NCAN: variants seen among roughly 807,000 people sequenced by gnomAD.
NCAN encodes neurocan, also known as neurocan core protein.
NCAN carries 47 observed loss-of-function variants against 121.8 expected under a neutral mutation model. The observed-to-expected ratio is 0.39, with a 90% CI of 0.31 to 0.49. NCAN has a LOEUF of 0.49. Among genes scored for constraint, NCAN ranks in the 20% least tolerant of loss-of-function variants. The probability of loss-of-function intolerance (pLI) is 0.92; values close to 1 mark genes in which losing one functional copy is unlikely to be tolerated. For synonymous variants in NCAN, 633 were observed against 702.0 expected, an observed-to-expected ratio of 0.90 and a Z score of 1.55; for missense variants, 1,517 against 1,773.4, an observed-to-expected ratio of 0.86 and a Z score of 2.60.
chr19:19,218,956 A>G lies in NCAN; in HGVS notation c.115A>G (p.Met39Val), dbSNP rs765024046. Residue 39 changes from methionine to valine, a missense_variant, in exon 3 of 15, where the codon ATG becomes GTG. Physicochemically the swap from Met to Val is conservative, Grantham distance 21. Transcript: ENST00000252575. ...CGATGCCAGCGAAAGGGGGCTCCAC[A>G]TGCAGAAGCTGGGGTCTGGGTCAGT... is the stretch of plus-strand genomic sequence containing the variant. ...ITDASERGLH[M>V]QKLGSGSVQA... is the part of the protein sequence containing the mutation. 1.3e-6 allele frequency: 2 copies of G among 1,531,396 alleles called. No individual in the cohort carries two copies. Among genetic ancestry groups the G allele is most frequent in the Admixed American group, 2.1e-5 (1 of 48,038 alleles). The allele number at this position is 1,531,396 out of a possible 1,614,324, so 94.9% of individuals were successfully genotyped here.
chr19:19,213,812 G>C (rs2060785404), intron 1 of NCAN, among the ~76,000 whole-genome samples: 2 of 152,074 alleles, frequency 1.3e-5, no homozygotes, highest in African/African-American at 4.8e-5. Context: ...ATCCCCAAGG[G>C]GAAGCCCGGG....
At position 19,228,552 on chromosome 19, in the gene NCAN, C is replaced by T; in HGVS notation, c.2932C>T (p.Pro978Ser). Reference protein sequence around the residue: ...DFELEVLAGSPGVESFWEEVA... With the variant: ...DFELEVLAGSSGVESFWEEVA... ...CGAACTGGAGGTCCTGGCAGGGAGCCCGGGTGTAGAGAGCTTCTGGGAGGA... is the reference window on the plus strand; with the variant it reads ...CGAACTGGAGGTCCTGGCAGGGAGCTCGGGTGTAGAGAGCTTCTGGGAGGA... Residue 978 changes from proline to serine, a missense_variant, in exon 8 of 15, where the codon CCG (proline) becomes TCG (serine). Pro to Ser is a moderately conservative substitution (Grantham distance 74). Transcript: ENST00000252575. The T allele has an allele frequency of 6.2e-7, 1 of 1,613,156 alleles. No homozygotes were observed. The highest frequency in any genetic ancestry group is 2.2e-5 in the East Asian group (1 of 44,880).
At chr19:19,236,506 A>C (rs528080362) in intron 10 of NCAN, among the ~76,000 whole-genome samples, 174 of 152,184 alleles carry the variant, frequency 1.1e-3, no homozygotes, top group African/African-American at 4.0e-3. Context: ...TGTTTGAATA[A>C]CTATTTGCCA....
chr19:19,218,109 C>T (rs931803319), intron 2 of NCAN, among the ~76,000 whole-genome samples: 2 of 151,740 alleles, frequency 1.3e-5, no homozygotes, highest in South Asian at 2.1e-4. Flanking sequence ...TGAAACCCAT[C>T]TCTACTAAAA....
intron 13 of NCAN, among the ~76,000 whole-genome samples, chr19:19,246,461 A>G (rs1239665550): frequency 6.6e-6 from 1 of 152,116 alleles, no homozygotes; most frequent in Non-Finnish European, 1.5e-5. Flanking sequence ...TTCTTTGTTC[A>G]TCTAAGTGGG....
At chr19:19,231,346 T>G (rs78683942) in intron 8 of NCAN, among the ~76,000 whole-genome samples, 8 of 150,846 alleles carry the variant, frequency 5.3e-5, no homozygotes, top group Non-Finnish European at 1.0e-4. Context: ...TTTTTTTTTT[T>G]GAGAGAGAGA....
In NCAN at chr19:19,251,143, T is replaced by C. The variant is rs1207314822; in HGVS notation, c.*1232T>C. The C allele has an allele frequency of 6.6e-6, 1 of 152,204 alleles. No homozygotes were observed. Among genetic ancestry groups the C allele is most frequent in the African/African-American group, 2.4e-5 (1 of 41,450 alleles). 9.4% of individuals were successfully genotyped at this position (152,204 alleles called of 1,614,324 possible). On this transcript the variant is annotated 3_prime_UTR_variant, in exon 15 of 15. Coordinates refer to ENST00000252575, the MANE Select transcript of NCAN (RefSeq NM_004386.3). ...AAAGATCCACAGCTTTTCCTCCATG[T>C]CTGTTACTCACTTTCAGCAGTCCGG...
intron 10 of NCAN, among the ~76,000 whole-genome samples, chr19:19,237,704 T>G (rs1252642072): frequency 6.6e-6 from 1 of 152,006 alleles, no homozygotes; most frequent in East Asian, 1.9e-4. Context: ...AGAGGGGGTG[T>G]CAGGGAATGA....
intron 3 of NCAN, among the ~76,000 whole-genome samples, chr19:19,221,847 C>T (rs1384587014): frequency 6.6e-6 from 1 of 151,882 alleles, no homozygotes; most frequent in African/African-American, 2.4e-5. Context: ...GCTGAGATCG[C>T]ACCACTGCAC....
intron 8 of NCAN, among the ~76,000 whole-genome samples, chr19:19,230,575 G>A (rs1316490825): frequency 6.6e-6 from 1 of 151,012 alleles, no homozygotes; most frequent in African/African-American, 2.4e-5. Flanking sequence ...GCTAATTTTT[G>A]TATTTTTTAT....
intron 9 of NCAN, 21 bp from the exon 10 acceptor site, chr19:19,234,962 G>A (rs370785735): frequency 1.3e-6 from 2 of 1,543,746 alleles, no homozygotes; most frequent in Non-Finnish European, 1.8e-6. Flanking sequence ...CTCTAACTCA[G>A]TCTCTTCCCC....
At chr19:19,220,230 C>T (rs187128308) in intron 3 of NCAN, among the ~76,000 whole-genome samples, 31 of 151,934 alleles carry the variant, frequency 2.0e-4, no homozygotes, top group Admixed American at 7.9e-4. Context: ...TCACTGCATC[C>T]TCCGTCTAGG....
chr19:19,238,544 C>T (rs1599820240), intron 11 of NCAN, 133 bp downstream of exon 11: 1 of 1,009,232 alleles, frequency 9.9e-7, no homozygotes, highest in Non-Finnish European at 1.5e-6. Flanking sequence ...TTCATTAACG[C>T]AAGCCCTGAC....
rs150423795 is a variant in NCAN, at chr19:19,214,659, G to A, written c.-7-2288G>A. ...TTACAGGTGGGGAAACTGAGGCACAGAGAGATTGAAGCAGCTTGTCCCGGA... is the reference window on the plus strand; with the variant it reads ...TTACAGGTGGGGAAACTGAGGCACAAAGAGATTGAAGCAGCTTGTCCCGGA... On this transcript the variant is annotated intron_variant, in intron 1 of 14. Coordinates refer to ENST00000252575, the MANE Select transcript of NCAN (RefSeq NM_004386.3). Among the ~76,000 whole-genome samples, 12 of 152,070 alleles carry A rather than the reference G, an allele frequency of 7.9e-5. No individual in the cohort carries two copies. In the East Asian group the frequency reaches 2.3e-3, roughly 29 times the overall value.
chr19:19,233,933 T>C (rs1347949932), intron 9 of NCAN, 28 bp downstream of exon 9: 1 of 1,453,170 alleles, frequency 6.9e-7, no homozygotes, highest in South Asian at 1.1e-5. Context: ...AGGATCTGAA[T>C]CTGAATTTGT....
chr19:19,247,391 C>A (rs1338014233), intron 13 of NCAN, among the ~76,000 whole-genome samples: 5 of 152,122 alleles, frequency 3.3e-5, no homozygotes, highest in Non-Finnish European at 4.4e-5. Flanking sequence ...GCAGCTGGGA[C>A]TACAGGCGCA....
At chr19:19,219,715 C>T (rs1222742793) in intron 3 of NCAN, among the ~76,000 whole-genome samples, 2 of 145,408 alleles carry the variant, frequency 1.4e-5, no homozygotes, top group African/African-American at 5.1e-5. Context: ...CTCTCTGAAC[C>T]GGGATTCCCT....
intron 11 of NCAN, 53 bp from the exon 12 acceptor site, chr19:19,240,550 G>A: frequency 6.3e-7 from 1 of 1,584,306 alleles, no homozygotes; most frequent in Non-Finnish European, 8.7e-7. Context: ...CCTGTGCCCT[G>A]GGCCAGGAGA....
rs2060845587 is a variant in NCAN, at chr19:19,228,279, A to G, written c.2659A>G (p.Met887Val). 3 of 1,613,940 alleles carry G rather than the reference A, an allele frequency of 1.9e-6. No homozygotes were observed. Among genetic ancestry groups the G allele is most frequent in the Non-Finnish European group, 2.5e-6 (3 of 1,179,996 alleles). Residue 887 changes from methionine (M) to valine (V), a missense_variant, in exon 8 of 15, where the codon ATG (methionine) becomes GTG (valine). Met to Val is a conservative substitution (Grantham distance 21, BLOSUM62 1). Coordinates refer to ENST00000252575, the MANE Select transcript of NCAN (RefSeq NM_004386.3). ...GGGGGACAAGGTTGGAGTTCCAGCCATGTCTACACTGGGCTCCTCAAGCTC... is the reference window on the plus strand; with the variant it reads ...GGGGGACAAGGTTGGAGTTCCAGCCGTGTCTACACTGGGCTCCTCAAGCTC... Reference protein sequence around the residue: ...EQGDKVGVPAMSTLGSSSSQP... With the variant: ...EQGDKVGVPAVSTLGSSSSQP...
Sources: gnomAD v4.1 joint callset for allele counts (sites outside exome capture counted in the v4.1 genomes callset) on GRCh38, gnomAD v4.1.1 for gene constraint, MANE v1.5 for transcripts, NCBI Gene and HGNC (gene_info 2026-07-23, HGNC 2026-07-21) for gene names.